The following SNX16 variants were observed in gnomAD, a reference collection of about 807,000 sequenced individuals.
SNX16 encodes sorting nexin 16, also known as sorting nexin-16.
A neutral mutation model predicts 36.7 loss-of-function variants in SNX16; 35 were observed. The observed-to-expected ratio is 0.95, with a 90% CI of 0.73 to 1.27. SNX16 has a LOEUF of 1.27. SNX16 is among the 50% of genes most tolerant of loss of function. The pLI is 0.00. For missense variants in SNX16, 367 were observed against 393.6 expected (o/e 0.93, Z 0.57); for synonymous variants, 134 against 132.0 (o/e 1.02, Z -0.10).
chr8:81,828,572 T>C (rs979574492), intron 3 of SNX16, among the ~76,000 whole-genome samples: 1 of 152,250 alleles, frequency 6.6e-6, no homozygotes, highest in Non-Finnish European at 1.5e-5. Context: ...AGATGGTCCA[T>C]GATCTTTGCC....
At position 81,801,596 on chromosome 8, in the gene SNX16, G is replaced by GAAAA; in HGVS notation, c.939-4_939-3insTTTT. The GAAAA allele has an allele frequency of 1.8e-6, 2 of 1,133,460 alleles. No individual in the cohort carries two copies. The highest frequency in any genetic ancestry group is 3.2e-5 in the East Asian group (1 of 31,022). 70.2% of individuals were successfully genotyped at this position (1,133,460 alleles called of 1,614,324 possible). A position where few individuals can be genotyped will look rare whatever the true frequency, so the allele number is the denominator to read the frequency against. ...TTAAGCATGGTTTATTATCAGCTCT[G>GAAAA]CAAAAAAAAAAAAAAAAGGAACATA... On this transcript the variant is annotated splice_region_variant and splice_polypyrimidine_tract_variant and intron_variant, in intron 7 of 7. Transcript: ENST00000345957.
chr8:81,802,188 TTTA>T (rs1809731691), intron 7 of SNX16, among the ~76,000 whole-genome samples, 189 bp downstream of exon 7: 3 of 151,796 alleles, frequency 2.0e-5, no homozygotes, highest in African/African-American at 7.2e-5. Context: ...AAAGACACTT[TTTA>T]TTTTTAAAGT....
chr8:81,828,599 T>A (rs926506813), intron 3 of SNX16, among the ~76,000 whole-genome samples: 1 of 152,210 alleles, frequency 6.6e-6, no homozygotes, highest in African/African-American at 2.4e-5. Flanking sequence ...GTTACTTCTG[T>A]GATTTTATTA....
At chr8:81,801,747 A>T (rs1009854638) in intron 7 of SNX16, among the ~76,000 whole-genome samples, 154 bp from the exon 8 acceptor site, 1 of 151,704 alleles carries the variant, frequency 6.6e-6, no homozygotes, top group African/African-American at 2.4e-5. Context: ...TAAACATTCA[A>T]TCAGAAATTT....
intron 5 of SNX16, among the ~76,000 whole-genome samples, chr8:81,806,999 T>C (rs1809983521): frequency 6.6e-6 from 1 of 151,966 alleles, no homozygotes; most frequent in South Asian, 2.1e-4. Context: ...GAAGATTCAA[T>C]ACTATAAAGA....
intron 4 of SNX16, among the ~76,000 whole-genome samples, chr8:81,817,253 C>G (rs577691782): frequency 9.2e-5 from 14 of 152,214 alleles, no homozygotes; most frequent in African/African-American, 3.1e-4. Flanking sequence ...TTTAATGTTG[C>G]TTTTATGTTT....
chr8:81,800,127 T>C lies in SNX16; in HGVS notation c.*1370A>G, dbSNP rs1357085348. On this transcript the variant is annotated 3_prime_UTR_variant, in exon 8 of 8. Transcript: ENST00000345957. Reference sequence around the variant, plus strand: ...AATTTTAAACAGCCACACCTTAATATATATATACATCAAGATACCGATAAA... The same window carrying C: ...AATTTTAAACAGCCACACCTTAATACATATATACATCAAGATACCGATAAA... 3 of 151,800 alleles carry C rather than the reference T, an allele frequency of 2.0e-5. No individual in the cohort carries two copies. Among genetic ancestry groups the C allele is most frequent in the Non-Finnish European group, 4.4e-5 (3 of 67,764 alleles). The allele number at this position is 151,800 out of a possible 1,614,324, so 9.4% of individuals were successfully genotyped here. A position where few individuals can be genotyped will look rare whatever the true frequency, so the allele number is the denominator to read the frequency against.
chr8:81,823,484 T>C (rs562186743), intron 4 of SNX16, among the ~76,000 whole-genome samples: 21 of 152,200 alleles, frequency 1.4e-4, no homozygotes, highest in Admixed American at 2.0e-4. Context: ...ATGTAAGTGG[T>C]TTTGTTTAAG....
intron 2 of SNX16, among the ~76,000 whole-genome samples, chr8:81,832,915 C>T (rs1029653240): frequency 1.1e-4 from 16 of 150,852 alleles, no homozygotes; most frequent in Non-Finnish European, 1.9e-4. Context: ...TGGACATTTG[C>T]TGTGCAACAA....
chr8:81,822,938 A>ATG (rs1491026693), intron 4 of SNX16, among the ~76,000 whole-genome samples: 1 of 81,366 alleles, frequency 1.2e-5, no homozygotes, highest in Non-Finnish European at 2.4e-5. Context: ...ATATATATAT[A>ATG]TACATATACA....
rs33964984 is a variant in SNX16, at chr8:81,801,597, C to CAAA, written c.939-7_939-5dup. 4,627 of 1,053,366 alleles carry CAAA rather than the reference C, an allele frequency of 4.4e-3. 3 individuals are homozygous for CAAA. The highest frequency in any genetic ancestry group is 0.011 in the South Asian group (594 of 52,838). 65.3% of individuals were successfully genotyped at this position (1,053,366 alleles called of 1,614,324 possible). A position where few individuals can be genotyped will look rare whatever the true frequency, so the allele number is the denominator to read the frequency against. ...TAAGCATGGTTTATTATCAGCTCTG[C>CAAA]AAAAAAAAAAAAAAAAGGAACATAT... On this transcript the variant is annotated splice_region_variant and splice_polypyrimidine_tract_variant and intron_variant, in intron 7 of 7. Coordinates refer to ENST00000345957, the MANE Select transcript of SNX16 (RefSeq NM_152836.3).
intron 4 of SNX16, 22 bp downstream of exon 4, chr8:81,823,760 TTTATAATCTC>T: frequency 6.5e-7 from 1 of 1,546,922 alleles, no homozygotes; most frequent in Non-Finnish European, 8.7e-7. Flanking sequence ...TTGGAATGCT[TTTATAATCTC>T]TTATTTCAAT....
At position 81,833,011 on chromosome 8, in the gene SNX16, C is replaced by T. The variant is rs113446357; in HGVS notation, c.376-3495G>A. ...TGTGACTAGTCAAAATTGAGATGTG[C>T]GTAGTGTGCAACATATACACTGAAT... On this transcript the variant is annotated intron_variant, in intron 2 of 7. Coordinates refer to ENST00000345957, the MANE Select transcript of SNX16 (RefSeq NM_152836.3). Among the ~76,000 whole-genome samples, 1,262 of 151,480 alleles carry T rather than the reference C, an allele frequency of 8.3e-3. 11 individuals are homozygous for T. Among genetic ancestry groups the T allele is most frequent in the African/African-American group, 0.026 (1,085 of 41,236 alleles).
chr8:81,839,857 A>C lies in SNX16; in HGVS notation c.130T>G (p.Leu44Val). 1.9e-6 allele frequency: 3 copies of C among 1,614,052 alleles called. No individual in the cohort carries two copies. Among genetic ancestry groups the C allele is most frequent in the Non-Finnish European group, 1.7e-6 (2 of 1,179,944 alleles). The part of the protein sequence containing the change: ...STSSNSSKGQ[L>V]EDSNMGNFKQ... ...AAATTACCCATATTTGAGTCTTCTA[A>C]CTGGCCCTTAGAAGAATTTGAGCTT... Residue 44 changes from leucine to valine, a missense_variant, in exon 2 of 8, where the codon TTA (leucine) becomes GTA (valine). Transcript: ENST00000345957.
Position 81,839,775 on chromosome 8 carries a change from G to A in SNX16, c.212C>T (p.Pro71Leu). 6.2e-7 allele frequency: 1 copy of A among 1,613,566 alleles called. No homozygotes were observed. Among genetic ancestry groups the A allele is most frequent in the Non-Finnish European group, 8.5e-7 (1 of 1,179,602 alleles). Residue 71 changes from proline to leucine, a missense_variant, in exon 2 of 8, where the codon CCC becomes CTC. Transcript: ENST00000345957. ...ACCTGTAAATTTAGTCCTAATGAGG[G>A]GACTGCTACAGACAGATGAAGTATT... ...MDNTSSVCSS[P>L]LIRTKFTGTA...
chr8:81,821,481 A>G (rs1810738400), intron 4 of SNX16, among the ~76,000 whole-genome samples: 1 of 152,092 alleles, frequency 6.6e-6, no homozygotes, highest in Admixed American at 6.6e-5. Flanking sequence ...TGGTGGTAGT[A>G]CAAGTCCTCT....
intron 2 of SNX16, among the ~76,000 whole-genome samples, chr8:81,838,347 G>A (rs1811586003): frequency 1.3e-5 from 2 of 152,022 alleles, no homozygotes; most frequent in Non-Finnish European, 2.9e-5. Flanking sequence ...GAATAGCCAA[G>A]GCCATCCTGA....
intron 4 of SNX16, among the ~76,000 whole-genome samples, chr8:81,818,072 A>G (rs1387621383): frequency 6.6e-6 from 1 of 151,958 alleles, no homozygotes; most frequent in Non-Finnish European, 1.5e-5. Flanking sequence ...ATTCTCTTGA[A>G]TTTTGTTTAA....
chr8:81,832,416 GAGA>G lies in SNX16; in HGVS notation c.376-2903_376-2901del, dbSNP rs1811310977. On this transcript the variant is annotated intron_variant, in intron 2 of 7. Transcript: ENST00000345957. Reference sequence around the variant, plus strand: ...CAATAGACACTGGGGACTCCTAGTGGAGAAGGATGAAGGGGGGAAGGAGTTGAA... The same window carrying G: ...CAATAGACACTGGGGACTCCTAGTGGAGGATGAAGGGGGGAAGGAGTTGAA... Among the ~76,000 whole-genome samples the G allele has an allele frequency of 2.6e-5, 4 of 152,232 alleles. No individual in the cohort carries two copies. In the South Asian group the frequency reaches 8.3e-4, roughly 32 times the overall value.
Sources: gnomAD v4.1 joint callset for allele counts (sites outside exome capture counted in the v4.1 genomes callset) on GRCh38, gnomAD v4.1.1 for gene constraint, MANE v1.5 for transcripts, NCBI Gene and HGNC (gene_info 2026-07-23, HGNC 2026-07-21) for gene names.